CHST9: variants seen among roughly 807,000 people sequenced by gnomAD.
CHST9 encodes the protein GalNAc-4-sulfotransferase 2.
CHST9 carries 41 observed loss-of-function variants against 44.4 expected under a neutral mutation model. The ratio of observed to expected loss-of-function variants is 0.92; its 90% CI spans 0.72 to 1.20. CHST9 has a LOEUF of 1.20. Ranked by LOEUF, CHST9 falls within the 50% of genes most tolerant of loss-of-function variation. CHST9 has a pLI of 0.00. For missense variants in CHST9, 504 were observed against 516.5 expected, an observed-to-expected ratio of 0.98 and a Z score of 0.23; for synonymous variants, 171 against 178.4, an observed-to-expected ratio of 0.96 and a Z score of 0.33.
rs141776407 is a variant in CHST9 at position 27,170,408 on chromosome 18, G to A, written c.-97+14728C>T. 3.3e-5 allele frequency among the ~76,000 whole-genome samples: 5 copies of A among 152,300 alleles called. No individual in the cohort carries two copies. In the East Asian group the frequency reaches 7.7e-4, roughly 24 times the overall value. On this transcript the variant is annotated intron_variant, in intron 1 of 5. Transcript: ENST00000618847. ...CCTCACGGAATTGTGTCATGAATGTGAAACAGGCCTTTATTGTATTAAATG... is the reference window on the plus strand; with the variant it reads ...CCTCACGGAATTGTGTCATGAATGTAAAACAGGCCTTTATTGTATTAAATG...
chr18:27,042,881 T>C (rs2057461203), intron 3 of CHST9, among the ~76,000 whole-genome samples: 1 of 151,938 alleles, frequency 6.6e-6, no homozygotes, highest in African/African-American at 2.4e-5. Context: ...GCATTTGTCT[T>C]ATATTTGCTC....
intron 4 of CHST9, among the ~76,000 whole-genome samples, chr18:26,946,852 C>A (rs753281463): frequency 1.3e-5 from 2 of 151,962 alleles, no homozygotes; most frequent in Non-Finnish European, 2.9e-5. Context: ...ATTTCTGAGG[C>A]CTCTGTTCTG....
At chr18:27,026,954 C>G (rs980772297) in intron 3 of CHST9, among the ~76,000 whole-genome samples, 1 of 152,134 alleles carries the variant, frequency 6.6e-6, no homozygotes, top group Non-Finnish European at 1.5e-5. Context: ...GCATGTTTTA[C>G]CTCTTGAAAC....
chr18:27,083,256 T>C (rs543230312), intron 2 of CHST9, among the ~76,000 whole-genome samples: 1 of 152,252 alleles, frequency 6.6e-6, no homozygotes, highest in South Asian at 2.1e-4. Context: ...CTTATTCTCA[T>C]ATGTACAATT....
intron 1 of CHST9, among the ~76,000 whole-genome samples, chr18:27,168,043 T>C (rs2058804498): frequency 6.6e-6 from 1 of 151,710 alleles, no homozygotes; most frequent in Admixed American, 6.6e-5. Context: ...AGGCATTGAA[T>C]GGTTATAATC....
intron 2 of CHST9, among the ~76,000 whole-genome samples, chr18:27,127,964 G>A (rs546546011): frequency 6.6e-6 from 1 of 152,246 alleles, no homozygotes; most frequent in South Asian, 2.1e-4. Flanking sequence ...ATGGGGAGGA[G>A]ACGTGTTTGG....
At chr18:27,077,482 C>T (rs191861622) in intron 2 of CHST9, among the ~76,000 whole-genome samples, 1 of 152,204 alleles carries the variant, frequency 6.6e-6, no homozygotes. Context: ...CCATAGCACT[C>T]AGTGCAGTGC....
intron 1 of CHST9, 106 bp from the exon 2 acceptor site, chr18:27,143,011 C>T (rs1447751480): frequency 2.4e-6 from 1 of 409,312 alleles, no homozygotes; most frequent in African/African-American, 2.0e-5. Flanking sequence ...TTAATGTGCA[C>T]ACTAATGCTC....
At chr18:27,088,173 A>C (rs1165431109) in intron 2 of CHST9, among the ~76,000 whole-genome samples, 1 of 152,172 alleles carries the variant, frequency 6.6e-6, no homozygotes, top group Non-Finnish European at 1.5e-5. Context: ...TCAGTAAATG[A>C]GAGGGGAATT....
intron 4 of CHST9, among the ~76,000 whole-genome samples, chr18:26,959,463 C>T (rs1234183068): frequency 2.0e-5 from 3 of 152,150 alleles, no homozygotes; most frequent in African/African-American, 7.2e-5. Context: ...TCCCCTGAAT[C>T]TAAAATAAAA....
At chr18:27,091,739 G>A (rs760093103) in intron 2 of CHST9, among the ~76,000 whole-genome samples, 6 of 152,134 alleles carry the variant, frequency 3.9e-5, no homozygotes, top group Non-Finnish European at 8.8e-5. Context: ...TTTATATGAT[G>A]GATTATGTTT....
At chr18:27,109,240 G>A (rs570505228) in intron 2 of CHST9, among the ~76,000 whole-genome samples, 42 of 152,156 alleles carry the variant, frequency 2.8e-4, no homozygotes, top group Admixed American at 4.6e-4. Flanking sequence ...AGCCACCTGG[G>A]AGCTGGCGCA....
intron 4 of CHST9, among the ~76,000 whole-genome samples, chr18:27,008,889 T>C (rs2057049095): frequency 6.6e-6 from 1 of 150,948 alleles, no homozygotes; most frequent in African/African-American, 2.4e-5. Flanking sequence ...CAGGTTCTTG[T>C]TTTTTTGGTT....
At chr18:27,137,748 C>T (rs1050460621) in intron 2 of CHST9, among the ~76,000 whole-genome samples, 12 of 152,226 alleles carry the variant, frequency 7.9e-5, no homozygotes, top group Admixed American at 7.2e-4. Flanking sequence ...GTGACTCTGT[C>T]GTTAGAGGGT....
In CHST9 at chr18:26,929,748, G is replaced by A. The variant is rs78101911; in HGVS notation, c.241-12398C>T. Among the ~76,000 whole-genome samples, 231 of 152,250 alleles carry A rather than the reference G, an allele frequency of 1.5e-3. 7 individuals carry two copies. The East Asian group carries it at 0.04, about 26-fold the overall frequency. On this transcript the variant is annotated intron_variant, in intron 5 of 5. Transcript: ENST00000618847. Reference sequence around the variant, plus strand: ...TATGGAGAGTGGCCAGTTATTACGGGGTAGGAGGAGAGAGAGAGAGAGATG... The same window carrying A: ...TATGGAGAGTGGCCAGTTATTACGGAGTAGGAGGAGAGAGAGAGAGAGATG...
At chr18:26,920,807 T>C (rs1208641994) in intron 5 of CHST9, among the ~76,000 whole-genome samples, 1 of 152,180 alleles carries the variant, frequency 6.6e-6, no homozygotes, top group Non-Finnish European at 1.5e-5. Flanking sequence ...ACAAATAAAA[T>C]AAGCACATGG....
chr18:26,947,877 G>A (rs992722044), intron 4 of CHST9, among the ~76,000 whole-genome samples: 2 of 152,112 alleles, frequency 1.3e-5, no homozygotes, highest in African/African-American at 4.8e-5. Context: ...TACCATTTAA[G>A]CCAGCAACCC....
At chr18:27,184,319 A>G (rs1276675049) in intron 1 of CHST9, among the ~76,000 whole-genome samples, 5 of 152,206 alleles carry the variant, frequency 3.3e-5, no homozygotes. Flanking sequence ...CTCTAGACTT[A>G]GCACCTGTGA....
chr18:27,116,588 T>C (rs929740793), intron 2 of CHST9, among the ~76,000 whole-genome samples: 2 of 152,184 alleles, frequency 1.3e-5, no homozygotes, highest in African/African-American at 4.8e-5. Flanking sequence ...GTCTCTTGAA[T>C]TTCTGTATGA....
Sources: gnomAD v4.1 joint callset for allele counts (sites outside exome capture counted in the v4.1 genomes callset) on GRCh38, gnomAD v4.1.1 for gene constraint, MANE v1.5 for transcripts, NCBI Gene and HGNC (gene_info 2026-07-23, HGNC 2026-07-21) for gene names.